ACAD11: variants seen among roughly 807,000 people sequenced by gnomAD.
The protein encoded by ACAD11 is acyl-CoA dehydrogenase family member 11.
In ACAD11, 83 loss-of-function variants were observed where a neutral mutation model predicts 102.2. The ratio of observed to expected loss-of-function variants is 0.81; its 90% CI spans 0.68 to 0.97. The LOEUF is 0.97. Ranked by LOEUF, ACAD11 falls within the 50% of genes least tolerant of loss-of-function variation. ACAD11 has a pLI of 0.00. For missense variants in ACAD11, 901 were observed against 951.7 expected (o/e 0.95, Z 0.70); for synonymous variants, 324 against 319.8 (o/e 1.01, Z -0.14).
intron 9 of ACAD11, among the ~76,000 whole-genome samples, chr3:132,625,567 G>A (rs1013981857): frequency 1.3e-5 from 2 of 152,012 alleles, no homozygotes; most frequent in African/African-American, 4.8e-5. Context: ...CATGTGAGAG[G>A]TGACTATTTT....
intron 1 of ACAD11, among the ~76,000 whole-genome samples, chr3:132,655,307 T>C (rs1303704598): frequency 1.3e-5 from 2 of 152,190 alleles, no homozygotes; most frequent in African/African-American, 4.8e-5. Flanking sequence ...GATTCTGTTT[T>C]TTTTGTTGTT....
rs755568917 is a variant in ACAD11, at chr3:132,568,801, CAAAAAAAAAAAAAAA to C, written c.2001+6956_2001+6970del. 5.8e-5 allele frequency among the ~76,000 whole-genome samples: 4 copies of C among 68,674 alleles called. No homozygotes were observed. The Admixed American group carries it at 6.3e-4, about 11-fold the overall frequency. The allele number at this position is 68,674 out of a possible 152,430, so 45.1% of individuals were successfully genotyped here. ...GCTGAAGCAATTGGACATCCACAGG[CAAAAAAAAAAAAAAA>C]AAAAAAAAAAAGAAGCTTGACCTAA... is the stretch of plus-strand genomic sequence containing the variant. On this transcript the variant is annotated intron_variant, in intron 17 of 19. Transcript: ENST00000264990.
chr3:132,587,652 T>C (rs1489438293), intron 13 of ACAD11, among the ~76,000 whole-genome samples: 1 of 152,180 alleles, frequency 6.6e-6, no homozygotes, highest in Non-Finnish European at 1.5e-5. Flanking sequence ...GGTTGAGCAA[T>C]TTTAGATTGT....
At chr3:132,608,311 T>C (rs28831714) in intron 11 of ACAD11, among the ~76,000 whole-genome samples, 1 of 152,278 alleles carries the variant, frequency 6.6e-6, no homozygotes, top group East Asian at 1.9e-4. Context: ...AATGCCCCAA[T>C]TTAAAGACAC....
chr3:132,573,478 T>G (rs1937443263), intron 17 of ACAD11, among the ~76,000 whole-genome samples: 1 of 152,176 alleles, frequency 6.6e-6, no homozygotes, highest in African/African-American at 2.4e-5. Context: ...TAATTCCATC[T>G]TTTTCTTTTC....
At chr3:132,562,152 T>C (rs554083597) in intron 17 of ACAD11, among the ~76,000 whole-genome samples, 2 of 152,340 alleles carry the variant, frequency 1.3e-5, no homozygotes, top group East Asian at 3.9e-4. Context: ...TCGCCCAGGC[T>C]GGAGTGCAGT....
chr3:132,593,758 G>C (rs1208621684), intron 13 of ACAD11, among the ~76,000 whole-genome samples: 1 of 152,150 alleles, frequency 6.6e-6, no homozygotes, highest in Admixed American at 6.5e-5. Context: ...GATGAGAAGA[G>C]GGTGTGGGGA....
At chr3:132,628,708 T>G (rs1323733990) in intron 7 of ACAD11, among the ~76,000 whole-genome samples, 1 of 152,176 alleles carries the variant, frequency 6.6e-6, no homozygotes, top group Non-Finnish European at 1.5e-5. Context: ...ATCTCAGCAG[T>G]TACCAAAGAT....
intron 5 of ACAD11, among the ~76,000 whole-genome samples, chr3:132,638,780 G>T (rs1940371950): frequency 1.3e-5 from 2 of 152,062 alleles, no homozygotes; most frequent in African/African-American, 4.8e-5. Context: ...TAATCTCAGG[G>T]TAGATAATTA....
chr3:132,605,055 G>C, intron 12 of ACAD11, 43 bp downstream of exon 12: 2 of 1,470,384 alleles, frequency 1.4e-6, no homozygotes, highest in African/African-American at 1.4e-5. Context: ...AATAACTCCG[G>C]GACGACTGAC....
chr3:132,575,671 G>A lies in ACAD11; in HGVS notation c.2001+101C>T, dbSNP rs72998134. ...TATGCCTTATTGAAAAGAATCACCC[G>A]GTTCATGTAGAGAAAGTCTGTCTCT... On this transcript the variant is annotated intron_variant, in intron 17 of 19. Transcript: ENST00000264990. 5.5e-3 allele frequency: 7,618 copies of A among 1,394,532 alleles called. 318 individuals are homozygous for A. The African/African-American group carries it at 0.091, about 17-fold the overall frequency. The allele number at this position is 1,394,532 out of a possible 1,614,324, so 86.4% of individuals were successfully genotyped here.
chr3:132,614,016 C>A (rs1408301502), intron 11 of ACAD11, among the ~76,000 whole-genome samples: 1 of 152,166 alleles, frequency 6.6e-6, no homozygotes, highest in Non-Finnish European at 1.5e-5. Flanking sequence ...ACAAGCATTC[C>A]TATACACCAA....
rs1559967961 is a variant in ACAD11, at chr3:132,631,380, C to CTG, written c.800_801dup (p.Val268GlnfsTer4). On this transcript the variant is annotated frameshift_variant, in exon 6 of 20. Transcript: ENST00000264990. LOFTEE classifies it high-confidence loss of function. ...TAAGAACCTTGATTTATCATTGGAA[C>CTG]TGTCCTTGGCCAAAAGTAGAACAGG... 1 of 1,540,882 alleles carries CTG rather than the reference C, an allele frequency of 6.5e-7. No individual in the cohort carries two copies. Among genetic ancestry groups the CTG allele is most frequent in the Non-Finnish European group, 8.8e-7 (1 of 1,141,036 alleles).
At position 132,639,623 on chromosome 3, in the gene ACAD11, C is replaced by A; in HGVS notation, c.571G>T (p.Ala191Ser). The change falls in exon 5 of 20, where the codon GCT (alanine) becomes TCT (serine). Residue 191 changes from alanine to serine, a missense_variant. Ala to Ser is a moderately conservative substitution (Grantham distance 99). Transcript: ENST00000264990. ...TGCATGGCAGGGATGTCCTGATGAGCTGCAGCTTGATATTGCTTTGTCCAG... is the reference window on the plus strand; with the variant it reads ...TGCATGGCAGGGATGTCCTGATGAGATGCAGCTTGATATTGCTTTGTCCAG... ...STWTKQYQAA[A>S]HQDIPAMQQL... The A allele has an allele frequency of 6.2e-7, 1 of 1,613,554 alleles. No individual in the cohort carries two copies. Among genetic ancestry groups the A allele is most frequent in the Non-Finnish European group, 8.5e-7 (1 of 1,179,762 alleles).
chr3:132,571,709 A>AC (rs1937387892), intron 17 of ACAD11, among the ~76,000 whole-genome samples: 2 of 152,240 alleles, frequency 1.3e-5, no homozygotes, highest in South Asian at 4.1e-4. Flanking sequence ...AGGCTTATCC[A>AC]CCATGATCCA....
chr3:132,583,458 T>C (rs1391461081), intron 13 of ACAD11, among the ~76,000 whole-genome samples: 1 of 151,940 alleles, frequency 6.6e-6, no homozygotes, highest in Non-Finnish European at 1.5e-5. Context: ...TTTATTAGTC[T>C]GCTAGAGGTC....
At chr3:132,610,766 G>A (rs1939097949) in intron 11 of ACAD11, among the ~76,000 whole-genome samples, 1 of 152,098 alleles carries the variant, frequency 6.6e-6, no homozygotes, top group Non-Finnish European at 1.5e-5. Context: ...AGGACCAGAT[G>A]GATTCACAGC....
intron 13 of ACAD11, among the ~76,000 whole-genome samples, chr3:132,580,884 G>A (rs1424064328): frequency 2.0e-5 from 3 of 151,778 alleles, no homozygotes; most frequent in Non-Finnish European, 4.4e-5. Flanking sequence ...GAGAATGACT[G>A]GCCAAAAATG....
chr3:132,623,913 T>C (rs914312699), intron 9 of ACAD11, among the ~76,000 whole-genome samples: 2 of 152,152 alleles, frequency 1.3e-5, no homozygotes, highest in African/African-American at 4.8e-5. Context: ...CAGATAGGCT[T>C]CATTTTAGAG....
Sources: allele counts gnomAD v4.1 joint callset (sites outside exome capture counted in the v4.1 genomes callset), GRCh38; gene constraint gnomAD v4.1.1; transcripts MANE v1.5; gene names NCBI Gene and HGNC (gene_info 2026-07-23, HGNC 2026-07-21).